GCC1: variants seen among roughly 807,000 people sequenced by gnomAD.
GCC1 encodes the protein GRIP and coiled-coil domain containing 1.
GCC1 carries 36 observed loss-of-function variants against 62.5 expected under a neutral mutation model. The observed-to-expected ratio is 0.58, with a 90% CI of 0.44 to 0.76. The LOEUF (loss-of-function observed/expected upper bound fraction) is 0.76, where lower values mean the gene tolerates loss of function less well. GCC1 is among the 30% of genes least tolerant of loss of function. The pLI, the probability that GCC1 is intolerant of heterozygous loss-of-function variation, is 0.00. For synonymous variants in GCC1, 391 were observed against 386.8 expected, an observed-to-expected ratio of 1.01 and a Z score of -0.13; for missense variants, 885 against 948.3, an observed-to-expected ratio of 0.93 and a Z score of 0.88.
chr7:127,582,313 G>T lies in GCC1; in HGVS notation c.2029C>A (p.Leu677Met). ...ITSLRKQKHR[L>M]EVEVHQLQDR... ...TGCAGCTGATGCACCTCGACCTCCAGCCTGTGCTTCTGCTTCCTCAGTGAT... is the reference window on the plus strand; with the variant it reads ...TGCAGCTGATGCACCTCGACCTCCATCCTGTGCTTCTGCTTCCTCAGTGAT... The change falls in exon 2 of 2, where the codon CTG (leucine) becomes ATG (methionine). Residue 677 changes from leucine (L) to methionine (M), a missense_variant. Physicochemically the swap from Leu to Met is conservative, Grantham distance 15. Transcript: ENST00000321407. The surrounding 1 kb of genome is among the most constrained non-coding windows in gnomAD (Gnocchi z 4.8). The T allele has an allele frequency of 5.6e-6, 9 of 1,614,192 alleles. No individual in the cohort carries two copies. Among genetic ancestry groups the T allele is most frequent in the Non-Finnish European group, 7.6e-6 (9 of 1,180,032 alleles).
Position 127,582,307 on chromosome 7 carries a change from C to T in GCC1, c.2035G>A (p.Val679Ile). Residue 679 changes from valine to isoleucine, a missense_variant, in exon 2 of 2, where the codon GTC becomes ATC. Val to Ile is a conservative substitution (Grantham distance 29). Coordinates refer to ENST00000321407, the MANE Select transcript of GCC1 (RefSeq NM_024523.6). The surrounding 1 kb of genome is among the most constrained non-coding windows in gnomAD (Gnocchi z 4.8). The part of the protein sequence containing the change: ...SLRKQKHRLE[V>I]EVHQLQDRLL... ...CGATCCTGCAGCTGATGCACCTCGA[C>T]CTCCAGCCTGTGCTTCTGCTTCCTC... is the stretch of plus-strand genomic sequence containing the variant. The T allele has an allele frequency of 6.2e-7, 1 of 1,614,254 alleles. No homozygotes were observed. Among genetic ancestry groups the T allele is most frequent in the Non-Finnish European group, 8.5e-7 (1 of 1,180,052 alleles).
rs890757041 is a variant in GCC1, at chr7:127,581,871, T to C, written c.*143A>G. ...AGCATTAATGGCATTTGGCAGAAAA[T>C]CCCTTCCCACATTGAAGACTCCTCC... On this transcript the variant is annotated 3_prime_UTR_variant, in exon 2 of 2. Transcript: ENST00000321407. 7.5e-6 allele frequency: 5 copies of C among 670,086 alleles called. No individual in the cohort carries two copies. The highest frequency in any genetic ancestry group is 4.0e-4 in the Middle Eastern group (1 of 2,500). 41.5% of individuals were successfully genotyped at this position (670,086 alleles called of 1,614,324 possible).
At position 127,584,999 on chromosome 7, in the gene GCC1, A is replaced by G. The variant is rs1438641640; in HGVS notation, c.184T>C (p.Ser62Pro). 1 of 1,614,068 alleles carries G rather than the reference A, an allele frequency of 6.2e-7. No individual in the cohort carries two copies. Among genetic ancestry groups the G allele is most frequent in the East Asian group, 2.2e-5 (1 of 44,888 alleles). ...GCGAGGCCCACATCTGCCTCGTGGG[A>G]TACCGACAGCACCTTGATGCTGGCC... The part of the protein sequence containing the change: ...LEASIKVLSV[S>P]HEADVGLAGV... Residue 62 changes from serine to proline, a missense_variant, in exon 1 of 2, where the codon TCC (serine) becomes CCC (proline). Ser to Pro is a moderately conservative substitution (Grantham distance 74, BLOSUM62 -1). Transcript: ENST00000321407.
intron 1 of GCC1, 89 bp downstream of exon 1, chr7:127,584,062 T>C (rs964887878): frequency 3.4e-6 from 4 of 1,177,606 alleles, no homozygotes; most frequent in Non-Finnish European, 4.8e-6. Flanking sequence ...GTATAGACAC[T>C]TAGCTCTAAC....
Position 127,585,251 on chromosome 7 carries a change from C to T in GCC1, c.-69G>A. 1.4e-6 allele frequency: 2 copies of T among 1,441,044 alleles called. No homozygotes were observed. Among genetic ancestry groups the T allele is most frequent in the East Asian group, 2.3e-5 (1 of 43,672 alleles). The allele number at this position is 1,441,044 out of a possible 1,614,324, so 89.3% of individuals were successfully genotyped here. A position where few individuals can be genotyped will look rare whatever the true frequency, so the allele number is the denominator to read the frequency against. ...CGGGAGAGGGCCGTGAAGACGCAGG[C>T]GGGGGCTTAAAGAAACAGCGAGCGG... On this transcript the variant is annotated 5_prime_UTR_variant, in exon 1 of 2. Coordinates refer to ENST00000321407, the MANE Select transcript of GCC1 (RefSeq NM_024523.6).
At position 127,584,632 on chromosome 7, in the gene GCC1, G is replaced by C. The variant is rs1794178130; in HGVS notation, c.551C>G (p.Ala184Gly). The part of the protein sequence containing the change: ...TVTQEKSRME[A>G]SYLADKKKMK... ...CTTTTTCTTGTCAGCCAAGTAAGAAGCCTCCATGCGGGACTTCTCCTGAGT... is the reference window on the plus strand; with the variant it reads ...CTTTTTCTTGTCAGCCAAGTAAGAACCCTCCATGCGGGACTTCTCCTGAGT... The change falls in exon 1 of 2, where the codon GCT (alanine) becomes GGT (glycine). Residue 184 changes from alanine to glycine, a missense_variant. Coordinates refer to ENST00000321407, the MANE Select transcript of GCC1 (RefSeq NM_024523.6). The C allele has an allele frequency of 2.5e-6, 4 of 1,614,014 alleles. No homozygotes were observed. Among genetic ancestry groups the C allele is most frequent in the Non-Finnish European group, 3.4e-6 (4 of 1,180,034 alleles).
At position 127,584,559 on chromosome 7, in the gene GCC1, C is replaced by A. The variant is rs1388408784; in HGVS notation, c.624G>T (p.Arg208Ser). 1 of 1,614,058 alleles carries A rather than the reference C, an allele frequency of 6.2e-7. No individual in the cohort carries two copies. The change falls in exon 1 of 2, where the codon AGG (arginine) becomes AGT (serine). Residue 208 changes from arginine to serine, a missense_variant. Physicochemically the swap from Arg to Ser is moderately radical, Grantham distance 110 (BLOSUM62 -1). Coordinates refer to ENST00000321407, the MANE Select transcript of GCC1 (RefSeq NM_024523.6). ...CCTTCAATTCTCCCTCCAGGCGGGCCCTCTCCTCCTCCGCCTTGTTACTGG... is the reference window on the plus strand; with the variant it reads ...CCTTCAATTCTCCCTCCAGGCGGGCACTCTCCTCCTCCGCCTTGTTACTGG... ...EDASNKAEEERARLEGELKGL... is the reference protein window; with the variant it reads ...EDASNKAEEESARLEGELKGL...
chr7:127,584,730 A>C lies in GCC1; in HGVS notation c.453T>G (p.Gly151=), dbSNP rs1261226577. 6.2e-7 allele frequency: 1 copy of C among 1,613,712 alleles called. No individual in the cohort carries two copies. Among genetic ancestry groups the C allele is most frequent in the African/African-American group, 1.3e-5 (1 of 74,776 alleles). Residue 151 remains glycine, a synonymous_variant, in exon 1 of 2, where the codon GGT becomes GGG. Transcript: ENST00000321407. ...GGTGCAGTCTTTTGTCCACCTCCCC[A>C]CCTGCAAATGGCCCATCCCCACTGC... ...SSSSGDGPFA[G]GEVDKRLHQL... is the part of the protein sequence containing the mutation.
Position 127,582,113 on chromosome 7 carries a change from G to A in GCC1, c.2229C>T (p.Leu743=), listed in dbSNP as rs1562951584. 3 of 1,614,164 alleles carry A rather than the reference G, an allele frequency of 1.9e-6. No individual in the cohort carries two copies. The highest frequency in any genetic ancestry group is 1.7e-5 in the Admixed American group (1 of 60,020). Residue 743 remains leucine (L), a synonymous_variant, in exon 2 of 2, where the codon CTC becomes CTT. Transcript: ENST00000321407. This position sits in a 1 kb window ranked among gnomAD's most constrained non-coding sequence, Gnocchi z 4.8. Reference sequence around the variant, plus strand: ...AGTGCAAGATAGTCAGTATGGCTGTGAGAGTCTGCTGGCGGCCCAGGGAGT... The same window carrying A: ...AGTGCAAGATAGTCAGTATGGCTGTAAGAGTCTGCTGGCGGCCCAGGGAGT... The part of the protein sequence containing the change: ...LPDSLGRQQT[L]TAILTILHFS...
chr7:127,584,618 C>T lies in GCC1; in HGVS notation c.565G>A (p.Asp189Asn), dbSNP rs1794177899. 6.2e-7 allele frequency: 1 copy of T among 1,614,184 alleles called. No homozygotes were observed. Residue 189 changes from aspartate (D) to asparagine (N), a missense_variant, in exon 1 of 2, where the codon GAC (aspartate) becomes AAC (asparagine). Coordinates refer to ENST00000321407, the MANE Select transcript of GCC1 (RefSeq NM_024523.6). Reference sequence around the variant, plus strand: ...AAGTCCTGTTTCATCTTTTTCTTGTCAGCCAAGTAAGAAGCCTCCATGCGG... The same window carrying T: ...AAGTCCTGTTTCATCTTTTTCTTGTTAGCCAAGTAAGAAGCCTCCATGCGG... ...KSRMEASYLA[D>N]KKKMKQDLED...
Position 127,582,031 on chromosome 7 carries a change from G to A in GCC1, c.2311C>T (p.Pro771Ser), listed in dbSNP as rs1177946047. The A allele has an allele frequency of 1.9e-6, 3 of 1,610,312 alleles. No individual in the cohort carries two copies. The African/African-American group carries it at 4.0e-5, about 22-fold the overall frequency. ...AAATGGCATCATCTCTTGCCAGAAG[G>A]CCACCAGCTGGCACTGGTTGGGAGT... Reference protein sequence around the residue: ...MRLPTSASWWPSGKR With the variant: ...MRLPTSASWWSSGKR The change falls in exon 2 of 2, where the codon CCT becomes TCT. Residue 771 changes from proline (P) to serine (S), a missense_variant. Physicochemically the swap from Pro to Ser is moderately conservative, Grantham distance 74 (BLOSUM62 -1). Transcript: ENST00000321407. This position sits in a 1 kb window ranked among gnomAD's most constrained non-coding sequence, Gnocchi z 4.8.
In GCC1 at chr7:127,580,984, A is replaced by C. The variant is rs1046400298; in HGVS notation, c.*1030T>G. ...GCAGGATTAATCTACTTATGCCAAG[A>C]CCCACTGGGCAGAAAGCACCCCAAC... On this transcript the variant is annotated 3_prime_UTR_variant, in exon 2 of 2. Coordinates refer to ENST00000321407, the MANE Select transcript of GCC1 (RefSeq NM_024523.6). 2 of 152,166 alleles carry C rather than the reference A, an allele frequency of 1.3e-5. No individual in the cohort carries two copies. Among genetic ancestry groups the C allele is most frequent in the African/African-American group, 4.8e-5 (2 of 41,428 alleles). The allele number at this position is 152,166 out of a possible 1,614,324, so 9.4% of individuals were successfully genotyped here.
chr7:127,585,547 C>CT lies in GCC1; in HGVS notation c.-366dup, dbSNP rs1794193458. On this transcript the variant is annotated 5_prime_UTR_variant, in exon 1 of 2. It removes the in-frame stop codon of an upstream open reading frame in the 5' UTR. Transcript: ENST00000321407. The stretch of plus-strand genomic sequence containing the variant: ...GGCCCACGTCGGCCAGAGGGTTACG[C>CT]TGAGCTCGGTCCCATCACGACATCC... 1 of 232,030 alleles carries CT rather than the reference C, an allele frequency of 4.3e-6. No individual in the cohort carries two copies. Among genetic ancestry groups the CT allele is most frequent in the African/African-American group, 2.3e-5 (1 of 43,562 alleles). The allele number at this position is 232,030 out of a possible 1,614,324, so 14.4% of individuals were successfully genotyped here.
At position 127,584,893 on chromosome 7, in the gene GCC1, G is replaced by T. The variant is rs1287132771; in HGVS notation, c.290C>A (p.Thr97Asn). Residue 97 changes from threonine (T) to asparagine (N), a missense_variant, in exon 1 of 2, where the codon ACC (threonine) becomes AAC (asparagine). Coordinates refer to ENST00000321407, the MANE Select transcript of GCC1 (RefSeq NM_024523.6). ...GGCCGCAGTATCCAAGCTAGTGGCG[G>T]TCCCAGTGCTATCCTCGCTGTGAGT... The part of the protein sequence containing the change: ...CSTHSEDSTG[T>N]ATSLDTAASL... 6.2e-7 allele frequency: 1 copy of T among 1,614,166 alleles called. No individual in the cohort carries two copies. The highest frequency in any genetic ancestry group is 1.7e-5 in the Admixed American group (1 of 60,014).
At position 127,585,292 on chromosome 7, in the gene GCC1, G is replaced by T; in HGVS notation, c.-110C>A. The T allele has an allele frequency of 2.0e-6, 2 of 1,019,186 alleles. No individual in the cohort carries two copies. The highest frequency in any genetic ancestry group is 2.8e-6 in the Non-Finnish European group (2 of 703,646). The allele number at this position is 1,019,186 out of a possible 1,614,324, so 63.1% of individuals were successfully genotyped here. A position where few individuals can be genotyped will look rare whatever the true frequency, so the allele number is the denominator to read the frequency against. On this transcript the variant is annotated 5_prime_UTR_variant, in exon 1 of 2. Transcript: ENST00000321407. ...CAGCGAGCGGGCTGTCCGGCGGCGGGCCGCACACCTACTCCACCTAGTTAT... is the reference window on the plus strand; with the variant it reads ...CAGCGAGCGGGCTGTCCGGCGGCGGTCCGCACACCTACTCCACCTAGTTAT...
chr7:127,584,417 C>A lies in GCC1; in HGVS notation c.766G>T (p.Glu256Ter). 6.2e-7 allele frequency: 1 copy of A among 1,614,056 alleles called. No homozygotes were observed. Among genetic ancestry groups the A allele is most frequent in the Non-Finnish European group, 8.5e-7 (1 of 1,180,020 alleles). ...MLRELQKLLQ[E>*]ERTQRQDLEL... is the part of the protein sequence containing the mutation. The stretch of plus-strand genomic sequence containing the variant: ...AAGTCCTGGCGCTGGGTCCTCTCCT[C>A]CTGCAGCAGCTTCTGGAGCTCACGC... The change falls in exon 1 of 2, where the codon GAG (glutamate) becomes TAG (stop). Residue 256 changes from glutamate (E) to a stop codon, truncating the protein, a stop_gained. Transcript: ENST00000321407. LOFTEE classifies it high-confidence loss of function.
rs144818573 is a variant in GCC1 at position 127,585,583 on chromosome 7, T to C, written c.-401A>G. On this transcript the variant is annotated 5_prime_UTR_variant, in exon 1 of 2. Coordinates refer to ENST00000321407, the MANE Select transcript of GCC1 (RefSeq NM_024523.6). ...CCCATCACGACATCCTAACTAAAGC[T>C]GCCTGCCGACAACGGCGCTTCCGTG... is the stretch of plus-strand genomic sequence containing the variant. 2 of 169,794 alleles carry C rather than the reference T, an allele frequency of 1.2e-5. No individual in the cohort carries two copies. The highest frequency in any genetic ancestry group is 2.4e-5 in the African/African-American group (1 of 42,048). The allele number at this position is 169,794 out of a possible 1,614,324, so 10.5% of individuals were successfully genotyped here.
Position 127,581,753 on chromosome 7 carries a change from T to C in GCC1, c.*261A>G. 2.2e-6 allele frequency: 1 copy of C among 447,594 alleles called. No homozygotes were observed. Among genetic ancestry groups the C allele is most frequent in the Non-Finnish European group, 4.0e-6 (1 of 252,706 alleles). 27.7% of individuals were successfully genotyped at this position (447,594 alleles called of 1,614,324 possible). On this transcript the variant is annotated 3_prime_UTR_variant, in exon 2 of 2. Transcript: ENST00000321407. ...CTTACCACTGTTCCAACTTCTGCACTTCTCAGTCCTAACCTCATCTTCTCC... is the reference window on the plus strand; with the variant it reads ...CTTACCACTGTTCCAACTTCTGCACCTCTCAGTCCTAACCTCATCTTCTCC...
In GCC1 at chr7:127,582,208, C is replaced by CAGAGCAG; in HGVS notation, c.2133_2134insCTGCTCT (p.Asp712LeufsTer3). On this transcript the variant is annotated frameshift_variant, in exon 2 of 2. Coordinates refer to ENST00000321407, the MANE Select transcript of GCC1 (RefSeq NM_024523.6). LOFTEE classifies it high-confidence loss of function. This position sits in a 1 kb window ranked among gnomAD's most constrained non-coding sequence, Gnocchi z 4.8. ...AGATTGGCTCCCTCCCTGCTCTGGT[C>CAGAGCAG]CCTGATGTTCTTTTCGATGTGGCTC... is the stretch of plus-strand genomic sequence containing the variant. The CAGAGCAG allele has an allele frequency of 1.2e-6, 2 of 1,614,152 alleles. No homozygotes were observed. Among genetic ancestry groups the CAGAGCAG allele is most frequent in the Non-Finnish European group, 1.7e-6 (2 of 1,180,028 alleles).
Sources: allele counts gnomAD v4.1 joint callset, GRCh38; gene constraint gnomAD v4.1.1; non-coding constraint Gnocchi (gnomAD v3.1); transcripts MANE v1.5; gene names NCBI Gene and HGNC (gene_info 2026-07-23, HGNC 2026-07-21).